The following CCN4 variants were observed in gnomAD, a reference collection of about 807,000 sequenced individuals.
The protein encoded by CCN4 is CCN family member 4.
Under a neutral mutation model 36.7 loss-of-function variants are expected in CCN4, and 30 were observed. That is an observed-to-expected ratio of 0.82 (90% CI 0.61 to 1.11). CCN4 has a LOEUF of 1.11. CCN4 is among the 50% of genes least tolerant of loss of function. The pLI is 0.00. For missense variants in CCN4, 505 were observed against 504.9 expected (o/e 1.00, Z 0.00); for synonymous variants, 191 against 195.4 (o/e 0.98, Z 0.19).
Position 133,205,722 on chromosome 8 carries a change from A to G in CCN4, c.70-7142A>G, listed in dbSNP as rs555784196. Among the ~76,000 whole-genome samples, 20 of 152,330 alleles carry G rather than the reference A, an allele frequency of 1.3e-4. 1 individual carries two copies. The highest frequency in any genetic ancestry group is 6.8e-3 in the Middle Eastern group (2 of 294). ...TCAGAGGGTCCCAGGGGCCCAAGCA[A>G]GCATCCTGGGGTTTGAGGATGAGCC... On this transcript the variant is annotated intron_variant, in intron 1 of 4. Transcript: ENST00000250160.
rs75683963 is a variant in CCN4, at chr8:133,194,258, G to A, written c.69+3045G>A. ...GGGTGTGTTTGTGAGAGGGTGTGTG[G>A]GGGTATGCGTATGGTGTGTATGTGG... is the stretch of plus-strand genomic sequence containing the variant. On this transcript the variant is annotated intron_variant, in intron 1 of 4. Transcript: ENST00000250160. Among the ~76,000 whole-genome samples, 18 of 147,128 alleles carry A rather than the reference G, an allele frequency of 1.2e-4. 1 individual carries two copies. The Middle Eastern group carries it at 9.7e-3, about 80-fold the overall frequency.
rs1286998577 is a variant in CCN4, at chr8:133,228,281, A to G, written c.*571A>G. 1.3e-5 allele frequency: 2 copies of G among 153,216 alleles called. No homozygotes were observed. Among genetic ancestry groups the G allele is most frequent in the Non-Finnish European group, 2.9e-5 (2 of 68,860 alleles). The allele number at this position is 153,216 out of a possible 1,614,324, so 9.5% of individuals were successfully genotyped here. On this transcript the variant is annotated 3_prime_UTR_variant, in exon 5 of 5. Transcript: ENST00000250160. ...AATAGTTGCTTAATTTTGATTTTTA[A>G]TGGAAAGTTGTATCCATTAACCTGG...
At chr8:133,204,919 CA>C (rs1052565925) in intron 1 of CCN4, among the ~76,000 whole-genome samples, 2 of 152,226 alleles carry the variant, frequency 1.3e-5, no homozygotes, top group Admixed American at 1.3e-4. Context: ...CATTCAGAAC[CA>C]CCTGGAAAAA....
In CCN4 at chr8:133,197,850, A is replaced by T. The variant is rs546157326; in HGVS notation, c.69+6637A>T. The stretch of plus-strand genomic sequence containing the variant: ...CTAGGAATCCTGCTCTGAGTCTGGG[A>T]GTGGAGAAAGGCATGTGTGCTATGA... On this transcript the variant is annotated intron_variant, in intron 1 of 4. Transcript: ENST00000250160. Among the ~76,000 whole-genome samples the T allele has an allele frequency of 2.0e-5, 3 of 152,176 alleles. No individual in the cohort carries two copies. The South Asian group carries it at 6.2e-4, about 32-fold the overall frequency.
chr8:133,195,627 G>A (rs541054721), intron 1 of CCN4, among the ~76,000 whole-genome samples: 129 of 152,204 alleles, frequency 8.5e-4, no homozygotes, highest in Non-Finnish European at 1.4e-3. Context: ...GCACGAGGAC[G>A]GCACTGAAAG....
At position 133,191,221 on chromosome 8, in the gene CCN4, CT is replaced by C; in HGVS notation, c.69+9del. The C allele has an allele frequency of 6.2e-7, 1 of 1,604,630 alleles. No individual in the cohort carries two copies. Among genetic ancestry groups the C allele is most frequent in the Non-Finnish European group, 8.5e-7 (1 of 1,179,312 alleles). ...AGCACCGTCCTGGCCACGGTGAGTC[CT>C]GCCTGGAGGGGCTCAGAGGGAGACC... On this transcript the variant is annotated intron_variant, in intron 1 of 4. Transcript: ENST00000250160.
rs59929763 is a variant in CCN4 at position 133,224,229 on chromosome 8, C to CTTTTTTTTTTTTTTTTTTTTTTTTT, written c.611-1156_611-1132dup. Among the ~76,000 whole-genome samples, 16 of 88,494 alleles carry CTTTTTTTTTTTTTTTTTTTTTTTTT rather than the reference C, an allele frequency of 1.8e-4. 8 individuals carry two copies. The highest frequency in any genetic ancestry group is 5.8e-4 in the Admixed American group (4 of 6,874). 58.1% of individuals were successfully genotyped at this position (88,494 alleles called of 152,430 possible). The stretch of plus-strand genomic sequence containing the variant: ...GATTTGAATTTGAAGCCCGTAAGTC[C>CTTTTTTTTTTTTTTTTTTTTTTTTT]TTTTTTTTTTTTTTTTTTTTTTTTT... On this transcript the variant is annotated intron_variant, in intron 3 of 4. Coordinates refer to ENST00000250160, the MANE Select transcript of CCN4 (RefSeq NM_003882.4).
At chr8:133,205,083 G>C (rs1393104307) in intron 1 of CCN4, among the ~76,000 whole-genome samples, 1 of 152,194 alleles carries the variant, frequency 6.6e-6, no homozygotes, top group Admixed American at 6.5e-5. Context: ...AGGAGGGAGG[G>C]GTATGGCAGG....
intron 4 of CCN4, among the ~76,000 whole-genome samples, chr8:133,226,284 T>G (rs1854733534): frequency 6.6e-6 from 1 of 152,200 alleles, no homozygotes; most frequent in Non-Finnish European, 1.5e-5. Flanking sequence ...TATTCCATTT[T>G]TGGAATGCTG....
At chr8:133,194,705 T>G in intron 1 of CCN4, among the ~76,000 whole-genome samples, 2 of 101,868 alleles carry the variant, frequency 2.0e-5, no homozygotes, top group Non-Finnish European at 1.8e-5. Context: ...GGAGGGTGTG[T>G]GTGGTGTGTG....
chr8:133,193,813 G>A (rs1165966599), intron 1 of CCN4, among the ~76,000 whole-genome samples: 1 of 152,192 alleles, frequency 6.6e-6, no homozygotes, highest in African/African-American at 2.4e-5. Context: ...GTAGCCTCCT[G>A]CCTCCCTGGT....
At chr8:133,204,452 G>A (rs750105813) in intron 1 of CCN4, among the ~76,000 whole-genome samples, 3 of 152,216 alleles carry the variant, frequency 2.0e-5, no homozygotes, top group Non-Finnish European at 4.4e-5. Flanking sequence ...CCTGCCCAAT[G>A]TTCTAAGGCA....
At chr8:133,207,994 G>GTTTTTTTTTTTTT (rs33983896) in intron 1 of CCN4, among the ~76,000 whole-genome samples, 2 of 141,666 alleles carry the variant, frequency 1.4e-5, no homozygotes, top group Non-Finnish European at 1.5e-5. Context: ...CCTTTCAGCT[G>GTTTTTTTTTTTTT]TTTTTTTTTT....
At chr8:133,220,460 C>A in intron 2 of CCN4, 121 bp from the exon 3 acceptor site, 1 of 1,422,816 alleles carries the variant, frequency 7.0e-7, no homozygotes, top group Non-Finnish European at 9.6e-7. Context: ...CTCTGTTCCT[C>A]CTCCATGCTG....
At chr8:133,212,649 G>T (rs533576133) in intron 1 of CCN4, among the ~76,000 whole-genome samples, 99 of 152,326 alleles carry the variant, frequency 6.5e-4, no homozygotes, top group African/African-American at 2.3e-3. Flanking sequence ...GAAGGATTCG[G>T]GCAATTGGTT....
chr8:133,228,214 T>C lies in CCN4; in HGVS notation c.*504T>C, dbSNP rs1854819327. 6.4e-6 allele frequency: 1 copy of C among 155,108 alleles called. No homozygotes were observed. The highest frequency in any genetic ancestry group is 1.4e-5 in the Non-Finnish European group (1 of 69,982). 9.6% of individuals were successfully genotyped at this position (155,108 alleles called of 1,614,324 possible). A position where few individuals can be genotyped will look rare whatever the true frequency, so the allele number is the denominator to read the frequency against. Reference sequence around the variant, plus strand: ...ACCAAAACTATCCTGATTCCAAATATGTATGCACCTCAAGGTCATCAAACA... The same window carrying C: ...ACCAAAACTATCCTGATTCCAAATACGTATGCACCTCAAGGTCATCAAACA... On this transcript the variant is annotated 3_prime_UTR_variant, in exon 5 of 5. Transcript: ENST00000250160.
chr8:133,227,049 C>T lies in CCN4; in HGVS notation c.805-362C>T, dbSNP rs184218076. Among the ~76,000 whole-genome samples, 41 of 152,316 alleles carry T rather than the reference C, an allele frequency of 2.7e-4. 1 individual carries two copies. The highest frequency in any genetic ancestry group is 4.6e-4 in the Admixed American group (7 of 15,310). On this transcript the variant is annotated intron_variant, in intron 4 of 4. Coordinates refer to ENST00000250160, the MANE Select transcript of CCN4 (RefSeq NM_003882.4). The stretch of plus-strand genomic sequence containing the variant: ...GTGTGGAGTCCCGATGCCAGTTCTG[C>T]CACTAGCTAGCCAGGGGAACTTGCT...
chr8:133,209,168 C>T (rs1262680018), intron 1 of CCN4, among the ~76,000 whole-genome samples: 3 of 152,216 alleles, frequency 2.0e-5, no homozygotes, highest in Non-Finnish European at 4.4e-5. Flanking sequence ...GCCCTTGCGC[C>T]AGTCATCTGC....
At chr8:133,191,754 T>G (rs535273350) in intron 1 of CCN4, among the ~76,000 whole-genome samples, 1 of 152,272 alleles carries the variant, frequency 6.6e-6, no homozygotes, top group African/African-American at 2.4e-5. Flanking sequence ...GAGCAAACAG[T>G]GCTCAGGGTG....
Sources: gnomAD v4.1 joint callset for allele counts (sites outside exome capture counted in the v4.1 genomes callset) on GRCh38, gnomAD v4.1.1 for gene constraint, MANE v1.5 for transcripts, NCBI Gene and HGNC (gene_info 2026-07-23, HGNC 2026-07-21) for gene names.